Variants in TPRG1 observed in about 807,000 individuals in gnomAD.
TPRG1 encodes tumor protein p63-regulated gene 1 protein.
Under a neutral mutation model 29.3 loss-of-function variants are expected in TPRG1, and 29 were observed. The ratio of observed to expected loss-of-function variants is 0.99; its 90% confidence interval spans 0.74 to 1.35. The LOEUF (loss-of-function observed/expected upper bound fraction) is 1.35. TPRG1 is among the 40% of genes most tolerant of loss of function. The pLI, the probability that TPRG1 is intolerant of heterozygous loss-of-function variation, is 0.00. For synonymous variants in TPRG1, 130 were observed against 116.8 expected (o/e 1.11, Z -0.73); for missense variants, 327 against 335.0 (o/e 0.98, Z 0.19).
At chr3:189,302,346 A>G (rs1254986350) in intron 4 of TPRG1, among the ~76,000 whole-genome samples, 2 of 152,174 alleles carry the variant, frequency 1.3e-5, no homozygotes, top group Admixed American at 6.5e-5. Context: ...CCTCATCACA[A>G]TTGTATCCGG....
chr3:189,304,322 C>T (rs370412885), intron 4 of TPRG1, among the ~76,000 whole-genome samples: 132 of 152,270 alleles, frequency 8.7e-4, no homozygotes, highest in African/African-American at 3.0e-3. Context: ...GAACCCAGGC[C>T]TTCTAATTCT....
Position 189,258,471 on chromosome 3 carries a change from G to A in TPRG1, c.479+19562G>A, listed in dbSNP as rs565443035. ...GCTGGACGTGTCTCCCCATCAGGAGGCATGGGGGTCAGGGACTGACTTGAG... is the reference window on the plus strand; with the variant it reads ...GCTGGACGTGTCTCCCCATCAGGAGACATGGGGGTCAGGGACTGACTTGAG... On this transcript the variant is annotated intron_variant, in intron 4 of 5. Coordinates refer to ENST00000345063, the MANE Select transcript of TPRG1 (RefSeq NM_198485.4). 2.0e-5 allele frequency among the ~76,000 whole-genome samples: 3 copies of A among 152,242 alleles called. No homozygotes were observed. In the South Asian group the frequency reaches 6.2e-4, roughly 32 times the overall value.
chr3:189,260,860 A>G (rs1345838647), intron 4 of TPRG1, among the ~76,000 whole-genome samples: 1 of 151,568 alleles, frequency 6.6e-6, no homozygotes, highest in East Asian at 1.9e-4. Context: ...TATTATCTCA[A>G]CCTTGCTTTC....
At chr3:189,043,043 G>T (rs373894001) in intron 4 of TPRG1, among the ~76,000 whole-genome samples, 213 of 152,310 alleles carry the variant, frequency 1.4e-3, no homozygotes, top group African/African-American at 4.7e-3. Context: ...ATTTTGTAAA[G>T]CAAAGGAGAA....
At chr3:189,079,832 A>T (rs149132474) in intron 4 of TPRG1, among the ~76,000 whole-genome samples, 110 of 152,348 alleles carry the variant, frequency 7.2e-4, no homozygotes, top group African/African-American at 2.6e-3. Flanking sequence ...TTAAATATGG[A>T]ACAGTAAGCA....
At chr3:189,273,801 A>G (rs1192086385) in intron 4 of TPRG1, among the ~76,000 whole-genome samples, 1 of 152,030 alleles carries the variant, frequency 6.6e-6, no homozygotes, top group Non-Finnish European at 1.5e-5. Context: ...ATAGGCCTAT[A>G]TTGGTCTGTC....
upstream of TPRG1, among the ~76,000 whole-genome samples, chr3:189,169,947 T>C (rs1728613075): frequency 6.6e-6 from 1 of 152,172 alleles, no homozygotes; most frequent in Non-Finnish European, 1.5e-5. Flanking sequence ...CAGGCTGCAG[T>C]ATGGCGGAGC....
At chr3:189,311,583 A>G (rs1319120075) in intron 5 of TPRG1, among the ~76,000 whole-genome samples, 1 of 152,172 alleles carries the variant, frequency 6.6e-6, no homozygotes, top group Non-Finnish European at 1.5e-5. Flanking sequence ...ATTCCCCCAT[A>G]ATACATAGAT....
At chr3:189,242,130 T>G (rs1458867015) in intron 4 of TPRG1, among the ~76,000 whole-genome samples, 1 of 152,170 alleles carries the variant, frequency 6.6e-6, no homozygotes, top group Non-Finnish European at 1.5e-5. Context: ...GAAGAAGGTA[T>G]GCAATCAACT....
chr3:189,069,495 G>T (rs187183525), intron 4 of TPRG1, among the ~76,000 whole-genome samples: 3 of 152,188 alleles, frequency 2.0e-5, no homozygotes, highest in African/African-American at 4.8e-5. Context: ...TCTTACTTTT[G>T]GGGGAGACTG....
At chr3:189,274,775 T>C (rs761018965) in intron 4 of TPRG1, among the ~76,000 whole-genome samples, 28 of 152,134 alleles carry the variant, frequency 1.8e-4, no homozygotes, top group Non-Finnish European at 4.0e-4. Context: ...TTTAAAAACA[T>C]TTGAAGATAA....
chr3:189,143,074 G>T (rs1220704839), intron 3 of TPRG1, among the ~76,000 whole-genome samples: 1 of 152,194 alleles, frequency 6.6e-6, no homozygotes, highest in African/African-American at 2.4e-5. Context: ...CTAAATAAGA[G>T]ATTTTTAAAC....
intron 3 of TPRG1, among the ~76,000 whole-genome samples, chr3:189,218,774 C>T (rs533074849): frequency 1.3e-5 from 2 of 152,318 alleles, no homozygotes; most frequent in Non-Finnish European, 2.9e-5. Context: ...CTGCATTCGT[C>T]TTGAGGCTGA....
At chr3:189,003,417 T>G (rs1009067706) in intron 2 of TPRG1, among the ~76,000 whole-genome samples, 2 of 152,132 alleles carry the variant, frequency 1.3e-5, no homozygotes, top group Non-Finnish European at 2.9e-5. Context: ...CTATGTTAAA[T>G]CCTCTTAATT....
chr3:189,147,396 C>A (rs888693515), intron 3 of TPRG1, among the ~76,000 whole-genome samples: 2 of 152,180 alleles, frequency 1.3e-5, no homozygotes, highest in Non-Finnish European at 2.9e-5. Flanking sequence ...GCCACCCCTC[C>A]CTGCTCTCTA....
intron 4 of TPRG1, among the ~76,000 whole-genome samples, chr3:189,263,706 A>T (rs1470329284): frequency 6.6e-6 from 1 of 152,232 alleles, no homozygotes; most frequent in Non-Finnish European, 1.5e-5. Flanking sequence ...GATAATACGC[A>T]TAAATCACCT....
At chr3:189,302,265 T>C (rs1448854800) in intron 4 of TPRG1, among the ~76,000 whole-genome samples, 3 of 152,210 alleles carry the variant, frequency 2.0e-5, no homozygotes, top group Non-Finnish European at 4.4e-5. Flanking sequence ...CAAAGATCAG[T>C]AAAGACGTAT....
At chr3:189,215,820 C>T (rs892902797) in intron 3 of TPRG1, among the ~76,000 whole-genome samples, 2 of 152,100 alleles carry the variant, frequency 1.3e-5, no homozygotes, top group African/African-American at 2.4e-5. Flanking sequence ...ATCTTATATA[C>T]AATCATGAAC....
At chr3:189,055,853 C>T (rs1715634636) in intron 4 of TPRG1, among the ~76,000 whole-genome samples, 1 of 152,102 alleles carries the variant, frequency 6.6e-6, no homozygotes, top group African/African-American at 2.4e-5. Context: ...TATGATCTGG[C>T]TCCAAAACCT....
Sources: allele counts gnomAD v4.1 joint callset (sites outside exome capture counted in the v4.1 genomes callset), GRCh38; gene constraint gnomAD v4.1.1; transcripts MANE v1.5; gene names NCBI Gene and HGNC (gene_info 2026-07-23, HGNC 2026-07-21).